The following ANKRD36 variants were observed in gnomAD, a reference collection of about 807,000 sequenced individuals.
The protein encoded by ANKRD36 is ankyrin repeat domain-containing protein 36A.
ANKRD36 carries 179 observed loss-of-function variants against 278.1 expected under a neutral mutation model. That is an observed-to-expected ratio of 0.64 (90% CI 0.57 to 0.73). The LOEUF is 0.73. Among genes scored for constraint, ANKRD36 ranks in the 30% least tolerant of loss-of-function variants. The probability of loss-of-function intolerance (pLI) is 0.00; values close to 1 mark genes in which losing one functional copy is unlikely to be tolerated. For missense variants in ANKRD36, 1,159 were observed against 1,956.7 expected (o/e 0.59, Z 7.69); for synonymous variants, 320 against 641.1 (o/e 0.50, Z 7.57).
intron 52 of ANKRD36, among the ~76,000 whole-genome samples, chr2:97,207,584 A>G (rs7582819): frequency 0.022 from 3,270 of 151,546 alleles, 110 homozygotes; most frequent in African/African-American, 0.068. Flanking sequence ...TTCACATATG[A>G]CAAATCATAC....
chr2:97,143,089 A>T (rs369663191), intron 8 of ANKRD36, among the ~76,000 whole-genome samples: 1 of 152,012 alleles, frequency 6.6e-6, no homozygotes, highest in Admixed American at 6.6e-5. Context: ...TATAACAGGC[A>T]AAGGGACAGC....
chr2:97,157,049 C>T (rs1180361712), intron 15 of ANKRD36, among the ~76,000 whole-genome samples: 1 of 151,470 alleles, frequency 6.6e-6, no homozygotes, highest in African/African-American at 2.4e-5. Flanking sequence ...CAAGGACATA[C>T]ATTACTCTTT....
At chr2:97,174,256 T>TA (rs1469622560) in intron 22 of ANKRD36, among the ~76,000 whole-genome samples, 1 of 151,780 alleles carries the variant, frequency 6.6e-6, no homozygotes, top group African/African-American at 2.4e-5. Flanking sequence ...TTCATGAGTA[T>TA]AAATAAAATG....
intron 56 of ANKRD36, 82 bp downstream of exon 56, chr2:97,209,954 T>A (rs2063949441): frequency 6.7e-7 from 1 of 1,497,160 alleles, no homozygotes; most frequent in Non-Finnish European, 8.9e-7. Context: ...AGCGGAGGGC[T>A]CGTTGAAGCT....
At chr2:97,222,159 C>A (rs147008427) in intron 66 of ANKRD36, among the ~76,000 whole-genome samples, 3,905 of 151,530 alleles carry the variant, frequency 0.026, 122 homozygotes, top group African/African-American at 0.09. Flanking sequence ...GGTACCAGTA[C>A]CAGGCTGTTT....
chr2:97,130,432 A>C, intron 6 of ANKRD36, among the ~76,000 whole-genome samples: 1 of 117,036 alleles, frequency 8.5e-6, no homozygotes, highest in Non-Finnish European at 1.6e-5. Context: ...AACATCACAC[A>C]CCGGGGACTG....
rs200975764 is a variant in ANKRD36 at position 97,173,630 on chromosome 2, C to T, written c.1633+5863C>T. 1.4e-3 allele frequency among the ~76,000 whole-genome samples: 216 copies of T among 151,814 alleles called. 1 individual carries two copies. The highest frequency in any genetic ancestry group is 4.9e-3 in the African/African-American group (204 of 41,482). On this transcript the variant is annotated intron_variant, in intron 22 of 75. Transcript: ENST00000420699. The stretch of plus-strand genomic sequence containing the variant: ...TGTGGAGGTCAAAGAATCAAGTCCA[C>T]CAATATGGATGTTAGATTTATGAAC...
chr2:97,226,228 T>C (rs1162638893), intron 67 of ANKRD36, among the ~76,000 whole-genome samples: 1 of 151,812 alleles, frequency 6.6e-6, no homozygotes, highest in Non-Finnish European at 1.5e-5. Context: ...TGAACTAGTT[T>C]ACAGTCCCAC....
intron 15 of ANKRD36, among the ~76,000 whole-genome samples, chr2:97,155,687 G>A (rs2047264497): frequency 1.4e-5 from 2 of 145,920 alleles, no homozygotes; most frequent in South Asian, 2.1e-4. Context: ...AATCCACTCA[G>A]GGTCTTTGTA....
chr2:97,230,843 G>A (rs2071730197), intron 67 of ANKRD36, among the ~76,000 whole-genome samples: 1 of 152,114 alleles, frequency 6.6e-6, no homozygotes, highest in Non-Finnish European at 1.5e-5. Flanking sequence ...CTGTTTGTTA[G>A]TTTTCCTTCT....
chr2:97,183,700 A>C, intron 28 of ANKRD36, 46 bp downstream of exon 28: 1 of 1,532,712 alleles, frequency 6.5e-7, no homozygotes, highest in Non-Finnish European at 8.8e-7. Flanking sequence ...TCAAGACAGA[A>C]GAGAACGTCC....
At position 97,194,552 on chromosome 2, in the gene ANKRD36, C is replaced by G. The variant is rs191854229; in HGVS notation, c.2450-174C>G. Among the ~76,000 whole-genome samples, 138 of 151,662 alleles carry G rather than the reference C, an allele frequency of 9.1e-4. 1 individual carries two copies. The highest frequency in any genetic ancestry group is 1.2e-3 in the Non-Finnish European group (82 of 67,804). Reference sequence around the variant, plus strand: ...GGGTATATTTCACGGAGCCTGTGTTCCCTTTTTTCAGGGTATTTCTGACAT... The same window carrying G: ...GGGTATATTTCACGGAGCCTGTGTTGCCTTTTTTCAGGGTATTTCTGACAT... On this transcript the variant is annotated intron_variant, in intron 38 of 75. Transcript: ENST00000420699.
At chr2:97,179,364 G>A (rs1283827298) in intron 22 of ANKRD36, among the ~76,000 whole-genome samples, 3 of 151,600 alleles carry the variant, frequency 2.0e-5, no homozygotes, top group Admixed American at 6.6e-5. Context: ...AAAGACATGC[G>A]GATGCGTGTA....
At chr2:97,190,108 A>C (rs1189305940) in intron 34 of ANKRD36, among the ~76,000 whole-genome samples, 2 of 89,010 alleles carry the variant, frequency 2.2e-5, no homozygotes, top group African/African-American at 5.2e-5. Flanking sequence ...AGAGAACAAC[A>C]TGATACTCCC....
At chr2:97,222,295 G>C (rs1405165939) in intron 66 of ANKRD36, among the ~76,000 whole-genome samples, 1 of 152,042 alleles carries the variant, frequency 6.6e-6, no homozygotes, top group East Asian at 2.0e-4. Flanking sequence ...CTTTAAAGTA[G>C]TTTTTTCCAA....
intron 4 of ANKRD36, 62 bp downstream of exon 4, chr2:97,123,055 A>G: frequency 1.5e-6 from 2 of 1,306,812 alleles, no homozygotes; most frequent in South Asian, 3.0e-5. Context: ...GTGTGGTAGC[A>G]GTCCCTCAAG....
rs13006667 is a variant in ANKRD36, at chr2:97,137,271, C to T, written c.800-5369C>T. Among the ~76,000 whole-genome samples, 404 of 151,942 alleles carry T rather than the reference C, an allele frequency of 2.7e-3. 3 individuals are homozygous for T. Among genetic ancestry groups the T allele is most frequent in the Non-Finnish European group, 3.8e-3 (256 of 67,958 alleles). On this transcript the variant is annotated intron_variant, in intron 6 of 75. Coordinates refer to ENST00000420699, the MANE Select transcript of ANKRD36 (RefSeq NM_001354587.1). ...AAGCGATTCTCCTGTCTCAGCCTCCCGAGTAGCTGGGATTACATACGTGTG... is the reference window on the plus strand; with the variant it reads ...AAGCGATTCTCCTGTCTCAGCCTCCTGAGTAGCTGGGATTACATACGTGTG...
Position 97,205,986 on chromosome 2 carries a change from T to A in ANKRD36, c.3090+18T>A, listed in dbSNP as rs1279129445. The A allele has an allele frequency of 6.4e-7, 1 of 1,552,460 alleles. No individual in the cohort carries two copies. Among genetic ancestry groups the A allele is most frequent in the Admixed American group, 1.9e-5 (1 of 52,794 alleles). On this transcript the variant is annotated intron_variant, in intron 51 of 75. Coordinates refer to ENST00000420699, the MANE Select transcript of ANKRD36 (RefSeq NM_001354587.1). The stretch of plus-strand genomic sequence containing the variant: ...CCTTGAAGGTAATGAAACTCCCATT[T>A]ATATTGTGAACGAGTTAATATATGG...
rs538983982 is a variant in ANKRD36, at chr2:97,120,633, G to T, written c.486+2116G>T. 3.3e-5 allele frequency among the ~76,000 whole-genome samples: 5 copies of T among 151,842 alleles called. No homozygotes were observed. In the East Asian group the frequency reaches 9.6e-4, roughly 29 times the overall value. ...AATGTTGTAAAAGTGCTCAAAGTGG[G>T]TATTATGACTCTTAGTAACAATTTT... On this transcript the variant is annotated intron_variant, in intron 3 of 75. Transcript: ENST00000420699.
Sources: allele counts gnomAD v4.1 joint callset (sites outside exome capture counted in the v4.1 genomes callset), GRCh38; gene constraint gnomAD v4.1.1; transcripts MANE v1.5; gene names NCBI Gene and HGNC (gene_info 2026-07-23, HGNC 2026-07-21).